Variants in DTNB observed in about 807,000 individuals in gnomAD.
The protein encoded by DTNB is DTN-B.
DTNB carries 63 observed loss-of-function variants against 90.7 expected under a neutral mutation model. The ratio of observed to expected loss-of-function variants is 0.69; its 90% CI spans 0.57 to 0.86. The LOEUF (loss-of-function observed/expected upper bound fraction) is 0.86. Among genes scored for constraint, DTNB ranks in the 40% least tolerant of loss-of-function variants. The pLI, the probability that DTNB is intolerant of heterozygous loss-of-function variation, is 0.00. For missense variants in DTNB, 744 were observed against 807.1 expected (o/e 0.92, Z 0.95); for synonymous variants, 277 against 286.7 (o/e 0.97, Z 0.34).
chr2:25,557,790 G>A (rs2057609696), intron 8 of DTNB, among the ~76,000 whole-genome samples: 1 of 152,202 alleles, frequency 6.6e-6, no homozygotes, highest in South Asian at 2.1e-4. Flanking sequence ...AAAACTATCA[G>A]AAAGTGATTC....
intron 12 of DTNB, among the ~76,000 whole-genome samples, chr2:25,441,240 G>A (rs2057312389): frequency 6.6e-6 from 1 of 152,098 alleles, no homozygotes; most frequent in Non-Finnish European, 1.5e-5. Flanking sequence ...ACCCAGTTGG[G>A]GCCATTTCTC....
intron 1 of DTNB, among the ~76,000 whole-genome samples, chr2:25,669,722 A>G (rs538977468): frequency 6.6e-4 from 100 of 152,292 alleles, no homozygotes; most frequent in Middle Eastern, 3.4e-3. Context: ...GCAGGGGCTC[A>G]TGCCTGTAAT....
chr2:25,419,283 A>G, intron 16 of DTNB: 1 of 625,590 alleles, frequency 1.6e-6, no homozygotes, highest in Non-Finnish European at 2.8e-6. Context: ...AATGCGCACA[A>G]CAGATGGGTA....
At chr2:25,484,924 C>T (rs1425596310) in intron 9 of DTNB, among the ~76,000 whole-genome samples, 2 of 152,182 alleles carry the variant, frequency 1.3e-5, no homozygotes, top group East Asian at 1.9e-4. Flanking sequence ...GAAGTGAACA[C>T]AGAGATTAGC....
chr2:25,602,739 T>G (rs747745196), intron 5 of DTNB, among the ~76,000 whole-genome samples: 5 of 152,196 alleles, frequency 3.3e-5, no homozygotes, highest in Non-Finnish European at 5.9e-5. Flanking sequence ...ATAAAACCAT[T>G]GTGTTAGAAC....
intron 8 of DTNB, among the ~76,000 whole-genome samples, chr2:25,570,320 A>AGTCC (rs2151282805): frequency 6.8e-6 from 1 of 146,448 alleles, no homozygotes; most frequent in African/African-American, 2.6e-5. Context: ...AGGTGGGAGG[A>AGTCC]CTGCTTGAGC....
At chr2:25,416,826 A>AAGGAAGGAAGGAAGGC (rs2048089547) in intron 16 of DTNB, among the ~76,000 whole-genome samples, 2 of 151,516 alleles carry the variant, frequency 1.3e-5, no homozygotes, top group Non-Finnish European at 2.9e-5. Flanking sequence ...GGAAGGAAGG[A>AAGGAAGGAAGGAAGGC]AGGAAGGAAG....
intron 1 of DTNB, among the ~76,000 whole-genome samples, chr2:25,665,620 C>T (rs541757359): frequency 6.7e-5 from 10 of 150,200 alleles, no homozygotes; most frequent in African/African-American, 2.2e-4. Context: ...AGCAAGACTC[C>T]GTCTCAAAAA....
At chr2:25,646,241 C>T (rs961893475) in intron 2 of DTNB, among the ~76,000 whole-genome samples, 3 of 151,854 alleles carry the variant, frequency 2.0e-5, no homozygotes, top group Admixed American at 6.6e-5. Flanking sequence ...TTTGGGAGGT[C>T]GAGGTGGGCG....
intron 14 of DTNB, among the ~76,000 whole-genome samples, chr2:25,430,145 T>A (rs903534750): frequency 2.0e-5 from 3 of 151,972 alleles, no homozygotes; most frequent in Admixed American, 6.6e-5. Flanking sequence ...ATATGTAAAA[T>A]CTTGTGTGTA....
intron 9 of DTNB, among the ~76,000 whole-genome samples, chr2:25,506,598 G>A (rs1422782881): frequency 6.6e-6 from 1 of 152,046 alleles, no homozygotes; most frequent in Non-Finnish European, 1.5e-5. Flanking sequence ...TCAGCTCCCA[G>A]TTATAAGTGA....
At chr2:25,499,562 C>T (rs758366882) in intron 9 of DTNB, among the ~76,000 whole-genome samples, 3 of 152,142 alleles carry the variant, frequency 2.0e-5, no homozygotes, top group Non-Finnish European at 2.9e-5. Flanking sequence ...TGTTCTACTG[C>T]TTTTTTAAAA....
intron 9 of DTNB, among the ~76,000 whole-genome samples, chr2:25,513,081 G>C (rs2074278013): frequency 6.6e-6 from 1 of 152,224 alleles, no homozygotes. Flanking sequence ...GAATGAAAGA[G>C]AGCTAACACA....
At chr2:25,448,078 A>G (rs561998760) in intron 12 of DTNB, among the ~76,000 whole-genome samples, 13 of 152,340 alleles carry the variant, frequency 8.5e-5, no homozygotes, top group African/African-American at 2.6e-4. Flanking sequence ...CTCAAGTAAC[A>G]CTTTCTCACA....
chr2:25,442,521 G>A (rs1211287862), intron 12 of DTNB, among the ~76,000 whole-genome samples: 1 of 152,206 alleles, frequency 6.6e-6, no homozygotes, highest in Non-Finnish European at 1.5e-5. Flanking sequence ...CAAGGTCGAT[G>A]CGCTGCTCTA....
intron 9 of DTNB, among the ~76,000 whole-genome samples, chr2:25,504,378 AGAAAGAAG>A (rs1175549332): frequency 6.9e-6 from 1 of 145,800 alleles, no homozygotes; most frequent in Non-Finnish European, 1.5e-5. Flanking sequence ...AGAGAAGGAA[AGAAAGAAG>A]GAAAGAAGGA....
intron 12 of DTNB, among the ~76,000 whole-genome samples, chr2:25,450,209 G>T (rs1489064351): frequency 6.6e-6 from 1 of 152,106 alleles, no homozygotes; most frequent in Non-Finnish European, 1.5e-5. Context: ...ATTTCAAATT[G>T]ATTTATTTGT....
In DTNB at chr2:25,383,907, A is replaced by G. The variant is rs200318184; in HGVS notation, c.1826-18T>C. Reference sequence around the variant, plus strand: ...TTCCTCTGCTGTGAAAACAAGTCCAAGGAGGCCAGTGACCCTTCGGCACAG... The same window carrying G: ...TTCCTCTGCTGTGAAAACAAGTCCAGGGAGGCCAGTGACCCTTCGGCACAG... On this transcript the variant is annotated intron_variant, in intron 18 of 20. Transcript: ENST00000406818. 5 of 1,613,926 alleles carry G rather than the reference A, an allele frequency of 3.1e-6. No individual in the cohort carries two copies. Among genetic ancestry groups the G allele is most frequent in the Non-Finnish European group, 3.4e-6 (4 of 1,179,900 alleles).
intron 9 of DTNB, among the ~76,000 whole-genome samples, chr2:25,507,484 C>A (rs2072747537): frequency 6.6e-6 from 1 of 152,174 alleles, no homozygotes; most frequent in Non-Finnish European, 1.5e-5. Flanking sequence ...CACCATCCTT[C>A]CAGCTGTGCA....
Sources: gnomAD v4.1 joint callset for allele counts (sites outside exome capture counted in the v4.1 genomes callset) on GRCh38, gnomAD v4.1.1 for gene constraint, MANE v1.5 for transcripts, NCBI Gene and HGNC (gene_info 2026-07-23, HGNC 2026-07-21) for gene names.